FECH: variants seen among roughly 807,000 people sequenced by gnomAD.
FECH encodes the protein ferrochelatase, mitochondrial.
Under a neutral mutation model 56.9 loss-of-function variants are expected in FECH, and 40 were observed. The observed-to-expected ratio is 0.70, with a 90% CI of 0.55 to 0.92. The LOEUF is 0.92. Among genes scored for constraint, FECH ranks in the 40% least tolerant of loss-of-function variants. The pLI, the probability that FECH is intolerant of heterozygous loss-of-function variation, is 0.00. For synonymous variants in FECH, 175 were observed against 198.6 expected (o/e 0.88, Z 1.00); for missense variants, 431 against 529.1 (o/e 0.81, Z 1.82).
rs1407257187 is a variant in FECH, at chr18:57,545,576, G to A, written c.*5136C>T. Among the ~76,000 whole-genome samples, 2 of 152,196 alleles carry A rather than the reference G, an allele frequency of 1.3e-5. No individual in the cohort carries two copies. Among genetic ancestry groups the A allele is most frequent in the Non-Finnish European group, 2.9e-5 (2 of 68,042 alleles). Reference sequence around the variant, plus strand: ...TGGCAAGATGCATCAGACGCACGGAGCGATGGTCTGGCTGAAGGGCACCAC... The same window carrying A: ...TGGCAAGATGCATCAGACGCACGGAACGATGGTCTGGCTGAAGGGCACCAC... On this transcript the variant is annotated 3_prime_UTR_variant, in exon 11 of 11. Coordinates refer to ENST00000262093, the MANE Select transcript of FECH (RefSeq NM_000140.5).
chr18:57,557,771 T>G (rs989183706), intron 7 of FECH, among the ~76,000 whole-genome samples: 4 of 152,068 alleles, frequency 2.6e-5, no homozygotes, highest in African/African-American at 9.7e-5. Flanking sequence ...CACTCCAGCC[T>G]GGGCAACAGA....
intron 9 of FECH, among the ~76,000 whole-genome samples, chr18:57,553,911 A>G (rs1023903938): frequency 8.5e-5 from 13 of 152,356 alleles, no homozygotes; most frequent in African/African-American, 3.1e-4. Context: ...AAACAATAAA[A>G]TGTTTTCCTT....
At chr18:57,583,109 C>T (rs1285957392) in intron 1 of FECH, among the ~76,000 whole-genome samples, 2 of 152,144 alleles carry the variant, frequency 1.3e-5, no homozygotes, top group African/African-American at 2.4e-5. Flanking sequence ...GGGACCCTTT[C>T]CACTCAGGTT....
intron 6 of FECH, among the ~76,000 whole-genome samples, chr18:57,560,100 T>C (rs570783927): frequency 4.7e-4 from 71 of 152,368 alleles, no homozygotes; most frequent in Middle Eastern, 3.4e-3. Flanking sequence ...AGAATATGAA[T>C]GTAAATTAAG....
chr18:57,564,475 CA>C (rs1466284267), intron 5 of FECH, among the ~76,000 whole-genome samples: 1 of 152,144 alleles, frequency 6.6e-6, no homozygotes, highest in Non-Finnish European at 1.5e-5. Flanking sequence ...GGGCAAGTCC[CA>C]AAACATTTCC....
chr18:57,559,625 G>C (rs1401112288), intron 6 of FECH, among the ~76,000 whole-genome samples: 4 of 152,210 alleles, frequency 2.6e-5, no homozygotes, highest in South Asian at 2.1e-4. Context: ...CAGCTTACAG[G>C]GTCTTTCTAA....
chr18:57,570,131 C>T (rs757676471), intron 4 of FECH, among the ~76,000 whole-genome samples: 6 of 151,364 alleles, frequency 4.0e-5, no homozygotes, highest in African/African-American at 4.9e-5. Context: ...TGGGCTCAAG[C>T]GATCCACCTG....
chr18:57,564,896 T>C (rs534642966), intron 5 of FECH, among the ~76,000 whole-genome samples: 1 of 152,192 alleles, frequency 6.6e-6, no homozygotes, highest in Non-Finnish European at 1.5e-5. Context: ...GTGTTTGTGA[T>C]AAAGACACAC....
chr18:57,550,756 C>T lies in FECH; in HGVS notation c.1228G>A (p.Val410Ile), dbSNP rs1432244652. The T allele has an allele frequency of 1.9e-6, 3 of 1,614,130 alleles. No individual in the cohort carries two copies. Among genetic ancestry groups the T allele is most frequent in the Admixed American group, 1.7e-5 (1 of 60,020 alleles). ...TLSCPLCVNP[V>I]CRETKSFFTS... ...AAGAAGGATTTAGTCTCCCTGCAGACAGGATTGACACAGAGCGGACAGCTC... is the reference window on the plus strand; with the variant it reads ...AAGAAGGATTTAGTCTCCCTGCAGATAGGATTGACACAGAGCGGACAGCTC... Residue 410 changes from valine (V) to isoleucine (I), a missense_variant, in exon 11 of 11, where the codon GTC (valine) becomes ATC (isoleucine). Coordinates refer to ENST00000262093, the MANE Select transcript of FECH (RefSeq NM_000140.5).
At position 57,545,820 on chromosome 18, in the gene FECH, C is replaced by CA. The variant is rs146687823; in HGVS notation, c.*4891dup. On this transcript the variant is annotated 3_prime_UTR_variant, in exon 11 of 11. Coordinates refer to ENST00000262093, the MANE Select transcript of FECH (RefSeq NM_000140.5). ...CAAGTGTCTAGCTGGAGAAAATTGA[C>CA]AAAAAAAATAGAAAGTTTGTAAAAT... is the stretch of plus-strand genomic sequence containing the variant. Among the ~76,000 whole-genome samples, 22,925 of 151,566 alleles carry CA rather than the reference C, an allele frequency of 0.15. 1,958 individuals carry two copies. Among genetic ancestry groups the CA allele is most frequent in the South Asian group, 0.29 (1,410 of 4,792 alleles).
At chr18:57,571,863 C>T (rs1289940185) in intron 3 of FECH, among the ~76,000 whole-genome samples, 3 of 152,226 alleles carry the variant, frequency 2.0e-5, no homozygotes, top group Admixed American at 1.3e-4. Context: ...TTTGATCCCA[C>T]ACCTAACGAG....
intron 2 of FECH, among the ~76,000 whole-genome samples, chr18:57,576,788 C>T (rs937397837): frequency 4.6e-5 from 7 of 152,136 alleles, no homozygotes; most frequent in Non-Finnish European, 8.8e-5. Context: ...TGATGAATAG[C>T]GCATTAGTAA....
intron 7 of FECH, among the ~76,000 whole-genome samples, chr18:57,558,943 A>T (rs1042786148): frequency 5.9e-5 from 9 of 152,118 alleles, no homozygotes; most frequent in Non-Finnish European, 5.9e-5. Flanking sequence ...AGAGGAAAAG[A>T]TCTATTTACA....
intron 2 of FECH, among the ~76,000 whole-genome samples, chr18:57,576,427 T>G (rs2051186869): frequency 6.6e-6 from 1 of 152,270 alleles, no homozygotes; most frequent in Admixed American, 6.5e-5. Flanking sequence ...ATCTTTCTAC[T>G]TAGACCACTA....
intron 4 of FECH, 48 bp from the exon 5 acceptor site, chr18:57,566,629 G>T: frequency 6.2e-7 from 1 of 1,607,820 alleles, no homozygotes; most frequent in Non-Finnish European, 8.5e-7. Context: ...TCCTTATATA[G>T]ATTCCTCAGA....
Position 57,566,586 on chromosome 18 carries a change from T to C in FECH, c.464-5A>G. Reference sequence around the variant, plus strand: ...CAATATAGTATTTGTGAGGGGCTATTAGGAAGCACATGTGGAAAGGAGAAA... The same window carrying C: ...CAATATAGTATTTGTGAGGGGCTATCAGGAAGCACATGTGGAAAGGAGAAA... On this transcript the variant is annotated splice_polypyrimidine_tract_variant and splice_region_variant and intron_variant, in intron 4 of 10. Transcript: ENST00000262093. 1 of 1,614,132 alleles carries C rather than the reference T, an allele frequency of 6.2e-7. No individual in the cohort carries two copies. The highest frequency in any genetic ancestry group is 8.5e-7 in the Non-Finnish European group (1 of 1,179,984).
intron 4 of FECH, among the ~76,000 whole-genome samples, chr18:57,567,224 A>G (rs959740805): frequency 2.0e-4 from 31 of 152,334 alleles, no homozygotes; most frequent in Non-Finnish European, 3.5e-4. Context: ...TTGATAACAA[A>G]TGATTAAAAT....
At chr18:57,554,182 T>C in intron 9 of FECH, 78 bp downstream of exon 9, 1 of 1,440,208 alleles carries the variant, frequency 6.9e-7, no homozygotes, top group Non-Finnish European at 9.8e-7. Context: ...TATTTCTGAA[T>C]GATACATTAG....
chr18:57,573,423 G>A (rs2051143113), intron 2 of FECH, 58 bp from the exon 3 acceptor site: 4 of 1,603,374 alleles, frequency 2.5e-6, no homozygotes, highest in Admixed American at 3.3e-5. Flanking sequence ...CTTCCAGGGT[G>A]GACTCTTGGT....
Sources: allele counts gnomAD v4.1 joint callset (sites outside exome capture counted in the v4.1 genomes callset), GRCh38; gene constraint gnomAD v4.1.1; transcripts MANE v1.5; gene names NCBI Gene and HGNC (gene_info 2026-07-23, HGNC 2026-07-21).